Variants in ZNF804B observed in about 807,000 individuals in gnomAD.
The protein encoded by ZNF804B is zinc finger protein 804B, also known as zinc finger 804B.
ZNF804B carries 80 observed loss-of-function variants against 101.4 expected under a neutral mutation model. The ratio of observed to expected loss-of-function variants is 0.79; its 90% CI spans 0.66 to 0.95. The LOEUF is 0.95. Ranked by LOEUF, ZNF804B falls within the 40% of genes least tolerant of loss-of-function variation. The pLI is 0.00. For missense variants in ZNF804B, 1,673 were observed against 1,561.9 expected, an observed-to-expected ratio of 1.07 and a Z score of -1.20; for synonymous variants, 622 against 558.8, an observed-to-expected ratio of 1.11 and a Z score of -1.59.
At chr7:89,107,489 G>A (rs1790152173) in intron 1 of ZNF804B, among the ~76,000 whole-genome samples, 1 of 152,072 alleles carries the variant, frequency 6.6e-6, no homozygotes, top group African/African-American at 2.4e-5. Flanking sequence ...TACTCTTAGT[G>A]CCTTAGGAAT....
intron 1 of ZNF804B, among the ~76,000 whole-genome samples, chr7:88,901,945 C>T (rs1216173193): frequency 6.6e-6 from 1 of 151,792 alleles, no homozygotes; most frequent in East Asian, 1.9e-4. Context: ...GTCCTTATTA[C>T]AATTCTAGAG....
intron 2 of ZNF804B, among the ~76,000 whole-genome samples, chr7:89,228,521 G>C (rs1025732871): frequency 6.6e-6 from 1 of 152,206 alleles, no homozygotes; most frequent in East Asian, 1.9e-4. Context: ...GTCCCTACCA[G>C]AGTAGCTAGA....
intron 1 of ZNF804B, among the ~76,000 whole-genome samples, chr7:88,908,478 A>G (rs1445367681): frequency 6.6e-6 from 1 of 151,872 alleles, no homozygotes; most frequent in African/African-American, 2.4e-5. Context: ...TATTATGAAT[A>G]AACGTTGTTG....
intron 1 of ZNF804B, among the ~76,000 whole-genome samples, chr7:88,885,480 G>T (rs1252234917): frequency 6.6e-6 from 1 of 151,500 alleles, no homozygotes. Context: ...AGATAATTCA[G>T]TAGAACTGTA....
At chr7:88,962,772 T>C (rs1353372783) in intron 1 of ZNF804B, among the ~76,000 whole-genome samples, 2 of 143,980 alleles carry the variant, frequency 1.4e-5, no homozygotes, top group Non-Finnish European at 3.1e-5. Flanking sequence ...TATAATTACA[T>C]AATTATAAAT....
intron 1 of ZNF804B, among the ~76,000 whole-genome samples, chr7:88,809,385 A>T (rs906308084): frequency 6.6e-6 from 1 of 152,056 alleles, no homozygotes; most frequent in East Asian, 1.9e-4. Flanking sequence ...CTACTTACTT[A>T]CCAATCTACC....
intron 1 of ZNF804B, among the ~76,000 whole-genome samples, chr7:88,877,047 A>G (rs1429573554): frequency 3.5e-5 from 1 of 28,778 alleles, no homozygotes. Context: ...ATATATATAT[A>G]TATTTTTTTT....
intron 1 of ZNF804B, among the ~76,000 whole-genome samples, chr7:89,197,057 G>T (rs1788565068): frequency 2.0e-5 from 3 of 151,994 alleles, no homozygotes; most frequent in Admixed American, 2.0e-4. Context: ...GGAGACTGTG[G>T]TGATTCCTCA....
chr7:89,062,685 G>A (rs537947361), intron 1 of ZNF804B, among the ~76,000 whole-genome samples: 2 of 152,118 alleles, frequency 1.3e-5, no homozygotes, highest in South Asian at 2.1e-4. Flanking sequence ...GACTGCTGAC[G>A]ACTAACACAT....
At chr7:88,921,187 A>T (rs1047851664) in intron 1 of ZNF804B, among the ~76,000 whole-genome samples, 2 of 152,034 alleles carry the variant, frequency 1.3e-5, no homozygotes, top group Admixed American at 6.6e-5. Flanking sequence ...TGAGACTGGT[A>T]GATGGATAAA....
chr7:88,762,286 T>A (rs1399698355), intron 1 of ZNF804B, among the ~76,000 whole-genome samples: 1 of 152,246 alleles, frequency 6.6e-6, no homozygotes, highest in Non-Finnish European at 1.5e-5. Flanking sequence ...AATATTTGAA[T>A]AGTTTCTCAT....
At chr7:88,805,508 C>T (rs1790671472) in intron 1 of ZNF804B, among the ~76,000 whole-genome samples, 1 of 152,210 alleles carries the variant, frequency 6.6e-6, no homozygotes, top group South Asian at 2.1e-4. Context: ...GGTACCTCCA[C>T]ATTTCTTTGG....
chr7:88,771,116 A>G (rs1334010307), intron 1 of ZNF804B, among the ~76,000 whole-genome samples: 1 of 152,112 alleles, frequency 6.6e-6, no homozygotes, highest in Non-Finnish European at 1.5e-5. Flanking sequence ...TACCATCTAC[A>G]TCCTGTATCC....
At chr7:89,331,681 A>G (rs951548646) in intron 3 of ZNF804B, among the ~76,000 whole-genome samples, 1 of 151,700 alleles carries the variant, frequency 6.6e-6, no homozygotes, top group Admixed American at 6.6e-5. Flanking sequence ...CCATATGGTC[A>G]TAATTTGTAA....
chr7:89,228,748 G>C (rs1027323332), intron 2 of ZNF804B, among the ~76,000 whole-genome samples: 1 of 152,214 alleles, frequency 6.6e-6, no homozygotes, highest in African/African-American at 2.4e-5. Flanking sequence ...CTGCCTGCCA[G>C]TCCTGCACCA....
At chr7:88,789,035 C>A (rs182741415) in intron 1 of ZNF804B, among the ~76,000 whole-genome samples, 1 of 152,070 alleles carries the variant, frequency 6.6e-6, no homozygotes, top group East Asian at 1.9e-4. Context: ...TACATTTCTG[C>A]CTATATAGAA....
chr7:89,222,832 G>T (rs905355972), intron 2 of ZNF804B, among the ~76,000 whole-genome samples: 2 of 151,756 alleles, frequency 1.3e-5, no homozygotes, highest in African/African-American at 4.8e-5. Flanking sequence ...TAATATTATT[G>T]AGAATTTTTG....
chr7:89,335,110 TC>T lies in ZNF804B; in HGVS notation c.2130del (p.Ser711LeufsTer12). 1 of 1,613,858 alleles carries T rather than the reference TC, an allele frequency of 6.2e-7. No individual in the cohort carries two copies. The highest frequency in any genetic ancestry group is 8.5e-7 in the Non-Finnish European group (1 of 1,179,912). ...SPQSCLSRYSSSLDTSPSSMS... is the reference protein window; with the variant it reads ...SPQSCLSRYSXSLDTSPSSMS... ...ACAGTCATGTTTGAGTAGATATTCTTCCTCTTTGGACACATCCCCTAGCAGC... is the reference window on the plus strand; with the variant it reads ...ACAGTCATGTTTGAGTAGATATTCTTCTCTTTGGACACATCCCCTAGCAGC... On this transcript the variant is annotated frameshift_variant, in exon 4 of 4. Coordinates refer to ENST00000333190, the MANE Select transcript of ZNF804B (RefSeq NM_181646.5). LOFTEE classifies it high-confidence loss of function.
At chr7:88,861,069 T>A (rs1310546570) in intron 1 of ZNF804B, among the ~76,000 whole-genome samples, 1 of 152,176 alleles carries the variant, frequency 6.6e-6, no homozygotes, top group Non-Finnish European at 1.5e-5. Flanking sequence ...TCATCTACAG[T>A]TTCTTTTCCT....
Sources: gnomAD v4.1 joint callset for allele counts (sites outside exome capture counted in the v4.1 genomes callset) on GRCh38, gnomAD v4.1.1 for gene constraint, MANE v1.5 for transcripts, NCBI Gene and HGNC (gene_info 2026-07-23, HGNC 2026-07-21) for gene names.